SLC2A11: variants seen among roughly 807,000 people sequenced by gnomAD.
The protein encoded by SLC2A11 is solute carrier family 2 member 11.
In SLC2A11, 43 loss-of-function variants were observed where a neutral mutation model predicts 52.1. The observed-to-expected ratio is 0.82, with a 90% CI of 0.65 to 1.06. The LOEUF (loss-of-function observed/expected upper bound fraction) is 1.06, where lower values mean the gene tolerates loss of function less well. Ranked by LOEUF, SLC2A11 falls within the 50% of genes least tolerant of loss-of-function variation. SLC2A11 has a pLI of 0.00. For missense variants in SLC2A11, 582 were observed against 654.2 expected (o/e 0.89, Z 1.20); for synonymous variants, 261 against 277.6 (o/e 0.94, Z 0.59).
At chr22:23,857,786 G>T (rs2031902716), upstream of SLC2A11, 2 of 1,439,846 alleles carry the variant, frequency 1.4e-6, no homozygotes, top group African/African-American at 1.4e-5. Flanking sequence ...CAGCTGGTGC[G>T]GCCGCTCTCA....
intron 8 of SLC2A11, 173 bp downstream of exon 8, chr22:23,883,042 C>G: frequency 1.4e-6 from 1 of 705,110 alleles, no homozygotes; most frequent in Non-Finnish European, 2.6e-6. Flanking sequence ...GGGTGGATCA[C>G]AAGGTCAGGA....
intron 2 of SLC2A11, chr22:23,867,542 G>T: frequency 2.9e-6 from 1 of 346,566 alleles, no homozygotes; most frequent in Non-Finnish European, 5.9e-6. Context: ...TATTTGCAAT[G>T]AGCCCCATTT....
At position 23,884,698 on chromosome 22, in the gene SLC2A11, G is replaced by A; in HGVS notation, c.1349G>A (p.Cys450Tyr). The A allele has an allele frequency of 1.2e-6, 2 of 1,613,382 alleles. No homozygotes were observed. Among genetic ancestry groups the A allele is most frequent in the Non-Finnish European group, 1.7e-6 (2 of 1,179,758 alleles). ...LYVPFLGVCV[C>Y]GAIYTGLFLP... ...GTCCCTTTCCTTGGTGTCTGTGTCT[G>A]TGGGGCCATCTACACTGGCCTGTTC... The change falls in exon 12 of 12, where the codon TGT becomes TAT. Residue 450 changes from cysteine (C) to tyrosine (Y), a missense_variant. Coordinates refer to ENST00000316185, the MANE Select transcript of SLC2A11 (RefSeq NM_001024939.4). The surrounding 1 kb of genome is among the most constrained non-coding windows in gnomAD (Gnocchi z 4.3).
At chr22:23,882,255 CACACACACACAGAG>C in intron 6 of SLC2A11, 190 bp from the exon 7 acceptor site, 47 of 577,242 alleles carry the variant, frequency 8.1e-5, no homozygotes, top group South Asian at 2.7e-4. Flanking sequence ...GAGAGAAACA[CACACACACACAGAG>C]ACACACACAG....
rs1011844378 is a variant in SLC2A11, at chr22:23,884,219, C to T, written c.1172-83C>T. The T allele has an allele frequency of 6.5e-7, 1 of 1,528,688 alleles. No homozygotes were observed. The highest frequency in any genetic ancestry group is 1.4e-5 in the African/African-American group (1 of 72,558). 94.7% of individuals were successfully genotyped at this position (1,528,688 alleles called of 1,614,324 possible). A position where few individuals can be genotyped will look rare whatever the true frequency, so the allele number is the denominator to read the frequency against. On this transcript the variant is annotated intron_variant, in intron 10 of 11. Coordinates refer to ENST00000316185, the MANE Select transcript of SLC2A11 (RefSeq NM_001024939.4). The surrounding 1 kb of genome is among the most constrained non-coding windows in gnomAD (Gnocchi z 4.3). The stretch of plus-strand genomic sequence containing the variant: ...CCCATACAGACTGGGCCTGGGCTCC[C>T]ACTCCCATGTCTGGGCTGGGGTCGG...
intron 2 of SLC2A11, among the ~76,000 whole-genome samples, chr22:23,863,661 G>A (rs1490228517): frequency 3.2e-5 from 4 of 124,840 alleles, no homozygotes; most frequent in Non-Finnish European, 6.3e-5. Flanking sequence ...CTCTCACCCA[G>A]GCTGGAGTGC....
chr22:23,863,552 A>G (rs1453908562), intron 2 of SLC2A11, among the ~76,000 whole-genome samples: 1 of 150,156 alleles, frequency 6.7e-6, no homozygotes, highest in Non-Finnish European at 1.5e-5. Context: ...AGCTGCAGGA[A>G]CCAGGCCCCA....
At chr22:23,868,303 G>A in intron 2 of SLC2A11, 178 bp from the exon 3 acceptor site, 1 of 654,922 alleles carries the variant, frequency 1.5e-6, no homozygotes, top group Non-Finnish European at 2.6e-6. Flanking sequence ...ATGGTGCCCT[G>A]CACAAGGGAG....
chr22:23,884,279 CCT>C lies in SLC2A11; in HGVS notation c.1172-22_1172-21del. The C allele has an allele frequency of 1.2e-6, 2 of 1,606,460 alleles. No individual in the cohort carries two copies. Among genetic ancestry groups the C allele is most frequent in the Non-Finnish European group, 1.7e-6 (2 of 1,175,564 alleles). ...GGCAGGGAACCCTGGCCAGCAGCCCCCTGTCCCTGCCCCTCCTTCTAGCCGGA... is the reference window on the plus strand; with the variant it reads ...GGCAGGGAACCCTGGCCAGCAGCCCCGTCCCTGCCCCTCCTTCTAGCCGGA... On this transcript the variant is annotated intron_variant, in intron 10 of 11. Transcript: ENST00000316185. The surrounding 1 kb of genome is among the most constrained non-coding windows in gnomAD (Gnocchi z 4.3).
chr22:23,857,662 C>A, upstream of SLC2A11: 2 of 1,111,674 alleles, frequency 1.8e-6, no homozygotes, highest in Non-Finnish European at 2.6e-6. Context: ...ACGCTGAGTC[C>A]GCGCATGCGC....
chr22:23,880,464 G>A (rs563257185), intron 6 of SLC2A11: 1 of 152,036 alleles, frequency 6.6e-6, no homozygotes. Context: ...TTTGAGACAG[G>A]CTTCTCTCCC....
At position 23,868,625 on chromosome 22, in the gene SLC2A11, G is replaced by T. The variant is rs1362925252; in HGVS notation, c.274G>T (p.Ala92Ser). Residue 92 changes from alanine (A) to serine (S), a missense_variant, in exon 3 of 12, where the codon GCC becomes TCC. By Grantham distance (99) the Ala-to-Ser change is moderately conservative. Transcript: ENST00000316185. ...LFGALLAGPL[A>S]ITLGRKKSLL... Reference sequence around the variant, plus strand: ...TGGAGCACTGCTTGCAGGTCCCTTGGCCATCACGCTGGGAAGGTAAGTGCT... The same window carrying T: ...TGGAGCACTGCTTGCAGGTCCCTTGTCCATCACGCTGGGAAGGTAAGTGCT... 1 of 1,613,944 alleles carries T rather than the reference G, an allele frequency of 6.2e-7. No individual in the cohort carries two copies. Among genetic ancestry groups the T allele is most frequent in the East Asian group, 2.2e-5 (1 of 44,896 alleles).
At position 23,868,546 on chromosome 22, in the gene SLC2A11, A is replaced by C; in HGVS notation, c.195A>C (p.Leu65=). 6.2e-7 allele frequency: 1 copy of C among 1,614,206 alleles called. No individual in the cohort carries two copies. The highest frequency in any genetic ancestry group is 1.1e-5 in the South Asian group (1 of 91,086). The change falls in exon 3 of 12, where the codon CTA becomes CTC. Residue 65 remains leucine, a synonymous_variant. Transcript: ENST00000316185. ...CTGGAGAGCCACTGCCCGATCACCT[A>C]GTCCTGCTTATGTGGTCCCTCATCG... is the stretch of plus-strand genomic sequence containing the variant. ...ARTGEPLPDH[L]VLLMWSLIVS... is the part of the protein sequence containing the mutation.
chr22:23,862,509 G>A (rs1429141212), intron 2 of SLC2A11, among the ~76,000 whole-genome samples: 2 of 152,080 alleles, frequency 1.3e-5, no homozygotes, highest in East Asian at 1.9e-4. Flanking sequence ...CTGGAATCCA[G>A]CCACTTCTCC....
Position 23,884,306 on chromosome 22 carries a change from A to T in SLC2A11, c.1176A>T (p.Gly392=). The change falls in exon 11 of 12, where the codon GGA becomes GGT. Residue 392 remains glycine, a synonymous_variant. Transcript: ENST00000316185. This position sits in a 1 kb window ranked among gnomAD's most constrained non-coding sequence, Gnocchi z 4.3. The part of the protein sequence containing the change: ...FILSFGIGPA[G]VTGILATELF... Reference sequence around the variant, plus strand: ...TGTCCCTGCCCCTCCTTCTAGCCGGAGTGACGGGGATCCTGGCCACAGAGC... The same window carrying T: ...TGTCCCTGCCCCTCCTTCTAGCCGGTGTGACGGGGATCCTGGCCACAGAGC... The T allele has an allele frequency of 2.5e-6, 4 of 1,613,250 alleles. No individual in the cohort carries two copies. Among genetic ancestry groups the T allele is most frequent in the Non-Finnish European group, 3.4e-6 (4 of 1,179,540 alleles).
chr22:23,859,709 G>A (rs528593033), intron 1 of SLC2A11, among the ~76,000 whole-genome samples: 5 of 152,246 alleles, frequency 3.3e-5, no homozygotes, highest in East Asian at 1.9e-4. Context: ...GGCTGGTCTC[G>A]AACTCCTGAC....
chr22:23,868,194 T>G, intron 2 of SLC2A11: 1 of 472,026 alleles, frequency 2.1e-6, no homozygotes, highest in South Asian at 3.3e-5. Flanking sequence ...CTGTCAGGAG[T>G]ATTGTGTGAG....
intron 2 of SLC2A11, among the ~76,000 whole-genome samples, chr22:23,862,519 C>T (rs2032107865): frequency 6.6e-6 from 1 of 152,180 alleles, no homozygotes; most frequent in Non-Finnish European, 1.5e-5. Flanking sequence ...GCCACTTCTC[C>T]CCATGTTTCC....
At chr22:23,864,215 A>G (rs977020567) in intron 2 of SLC2A11, among the ~76,000 whole-genome samples, 9 of 152,126 alleles carry the variant, frequency 5.9e-5, no homozygotes, top group African/African-American at 1.9e-4. Flanking sequence ...AATATTTGCT[A>G]GCAGAAGATA....
Sources: gnomAD v4.1 joint callset for allele counts (sites outside exome capture counted in the v4.1 genomes callset) on GRCh38, gnomAD v4.1.1 for gene constraint, Gnocchi (gnomAD v3.1) non-coding constraint, MANE v1.5 for transcripts, NCBI Gene and HGNC (gene_info 2026-07-23, HGNC 2026-07-21) for gene names.